Variants in HOXD3 observed in about 807,000 individuals in gnomAD.
HOXD3 encodes homeobox D3, also known as homeobox protein Hox-D3.
HOXD3 carries 13 observed loss-of-function variants against 32.8 expected under a neutral mutation model. The ratio of observed to expected loss-of-function variants is 0.40; its 90% confidence interval spans 0.26 to 0.63. HOXD3 has a LOEUF of 0.63. Among genes scored for constraint, HOXD3 ranks in the 20% least tolerant of loss-of-function variants. The pLI is 0.44. For synonymous variants in HOXD3, 241 were observed against 246.8 expected (o/e 0.98, Z 0.22); for missense variants, 504 against 577.1 (o/e 0.87, Z 1.30).
At chr2:176,159,600 G>C (rs1488077228) in intron 1 of HOXD3, among the ~76,000 whole-genome samples, 3 of 152,222 alleles carry the variant, frequency 2.0e-5, no homozygotes, top group Admixed American at 6.5e-5. Flanking sequence ...GGTCTTGGGC[G>C]CTCATTACAG....
At position 176,172,079 on chromosome 2, in the gene HOXD3, C is replaced by G; in HGVS notation, c.1104C>G (p.Pro368=). Residue 368 remains proline, a synonymous_variant, in exon 4 of 4, where the codon CCC becomes CCG. Transcript: ENST00000683222. ...GCAACTTCGTCGAGTCCATGGCGCC[C>G]GCGTCCGGGCCTGTCTTCAACCTGG... The part of the protein sequence containing the change: ...VGGNFVESMA[P]ASGPVFNLGH... 1 of 1,611,044 alleles carries G rather than the reference C, an allele frequency of 6.2e-7. No individual in the cohort carries two copies.
rs1285951715 is a variant in HOXD3, at chr2:176,172,086, G to A, written c.1111G>A (p.Gly371Arg). The A allele has an allele frequency of 6.2e-7, 1 of 1,611,722 alleles. No homozygotes were observed. The highest frequency in any genetic ancestry group is 1.3e-5 in the African/African-American group (1 of 75,054). The change falls in exon 4 of 4, where the codon GGG (glycine) becomes AGG (arginine). Residue 371 changes from glycine (G) to arginine (R), a missense_variant. This residue lies in a region of HOXD3 where 226 missense variants were observed against 246.9 expected (regional missense o/e 0.92). Transcript: ENST00000683222. ...CGTCGAGTCCATGGCGCCCGCGTCC[G>A]GGCCTGTCTTCAACCTGGGCCACCT... ...NFVESMAPAS[G>R]PVFNLGHLSH...
At chr2:176,157,698 GAGAGAC>G (rs755397327) in intron 1 of HOXD3, among the ~76,000 whole-genome samples, 19 of 152,058 alleles carry the variant, frequency 1.2e-4, no homozygotes, top group East Asian at 3.9e-4. Flanking sequence ...GTGAGAGAGG[GAGAGAC>G]AGAGACAGAG....
At chr2:176,158,615 T>G (rs181008855) in intron 1 of HOXD3, among the ~76,000 whole-genome samples, 5 of 152,320 alleles carry the variant, frequency 3.3e-5, no homozygotes, top group African/African-American at 1.2e-4. Flanking sequence ...TTTTCATTTA[T>G]TTTTTGGTGT....
At chr2:176,166,533 CA>C (rs1690975749) in intron 2 of HOXD3, among the ~76,000 whole-genome samples, 1 of 152,180 alleles carries the variant, frequency 6.6e-6, no homozygotes, top group Non-Finnish European at 1.5e-5. Context: ...CTTTCTTCAG[CA>C]GGGGGCAAAC....
Position 176,172,321 on chromosome 2 carries a change from T to C in HOXD3, c.*47T>C, listed in dbSNP as rs762168869. On this transcript the variant is annotated 3_prime_UTR_variant, in exon 4 of 4. Coordinates refer to ENST00000683222, the MANE Select transcript of HOXD3 (RefSeq NM_006898.5). ...CGCGGCAAAATTACCTCTCTTGCTG[T>C]AGTGGTGGGGTAGAGGGTGGGGCCC... 1 of 1,534,134 alleles carries C rather than the reference T, an allele frequency of 6.5e-7. No individual in the cohort carries two copies. Among genetic ancestry groups the C allele is most frequent in the South Asian group, 1.2e-5 (1 of 81,588 alleles).
chr2:176,157,723 A>G (rs1165920756), intron 1 of HOXD3, among the ~76,000 whole-genome samples: 3 of 152,038 alleles, frequency 2.0e-5, no homozygotes, highest in Non-Finnish European at 4.4e-5. Context: ...AGACAGAGAT[A>G]GGGAGAGGGT....
chr2:176,160,163 C>T (rs1690753579), intron 1 of HOXD3, among the ~76,000 whole-genome samples: 1 of 152,146 alleles, frequency 6.6e-6, no homozygotes, highest in South Asian at 2.1e-4. Flanking sequence ...AGCTGGGCGT[C>T]GGCCTCCGCG....
In HOXD3 at chr2:176,172,339, T is replaced by A. The variant is rs369109077; in HGVS notation, c.*65T>A. 2.2e-4 allele frequency: 326 copies of A among 1,456,814 alleles called. No homozygotes were observed. In the African/African-American group the frequency reaches 4.0e-3, roughly 18 times the overall value. The allele number at this position is 1,456,814 out of a possible 1,614,324, so 90.2% of individuals were successfully genotyped here. A position where few individuals can be genotyped will look rare whatever the true frequency, so the allele number is the denominator to read the frequency against. ...CTTGCTGTAGTGGTGGGGTAGAGGG[T>A]GGGGCCCGCGGGGCAGTTCGGGAAC... is the stretch of plus-strand genomic sequence containing the variant. On this transcript the variant is annotated 3_prime_UTR_variant, in exon 4 of 4. Transcript: ENST00000683222.
chr2:176,166,422 T>C (rs1469885071), intron 2 of HOXD3, among the ~76,000 whole-genome samples: 1 of 152,210 alleles, frequency 6.6e-6, no homozygotes, highest in African/African-American at 2.4e-5. Context: ...CAGCAAGTTC[T>C]GGTAGTCTGA....
Position 176,172,336 on chromosome 2 carries a change from G to A in HOXD3, c.*62G>A. On this transcript the variant is annotated 3_prime_UTR_variant, in exon 4 of 4. Coordinates refer to ENST00000683222, the MANE Select transcript of HOXD3 (RefSeq NM_006898.5). ...TCTCTTGCTGTAGTGGTGGGGTAGA[G>A]GGTGGGGCCCGCGGGGCAGTTCGGG... is the stretch of plus-strand genomic sequence containing the variant. 2 of 1,467,584 alleles carry A rather than the reference G, an allele frequency of 1.4e-6. No individual in the cohort carries two copies. Among genetic ancestry groups the A allele is most frequent in the Non-Finnish European group, 1.8e-6 (2 of 1,096,574 alleles). 90.9% of individuals were successfully genotyped at this position (1,467,584 alleles called of 1,614,324 possible). A position where few individuals can be genotyped will look rare whatever the true frequency, so the allele number is the denominator to read the frequency against.
rs1370013584 is a variant in HOXD3 at position 176,169,362 on chromosome 2, G to T, written c.248G>T (p.Gly83Val). 1 of 1,614,002 alleles carries T rather than the reference G, an allele frequency of 6.2e-7. No homozygotes were observed. The change falls in exon 3 of 4, where the codon GGA becomes GTA. Residue 83 changes from glycine (G) to valine (V), a missense_variant. Physicochemically the swap from Gly to Val is moderately radical, Grantham distance 109. Coordinates refer to ENST00000683222, the MANE Select transcript of HOXD3 (RefSeq NM_006898.5). ...CCTCTGAGAGCCCCAGCCCACAAAG[G>T]AGCTGAACTCAATGGCAGCTGCATG... ...SAPLRAPAHKGAELNGSCMRP... is the reference protein window; with the variant it reads ...SAPLRAPAHKVAELNGSCMRP...
chr2:176,168,963 A>T, intron 2 of HOXD3, 68 bp from the exon 3 acceptor site: 2 of 1,195,564 alleles, frequency 1.7e-6, no homozygotes, highest in Non-Finnish European at 2.3e-6. Context: ...AGCATGGGCT[A>T]GTCCTTCTAT....
chr2:176,154,077 C>T (rs1223506065), upstream of HOXD3, among the ~76,000 whole-genome samples: 1 of 151,626 alleles, frequency 6.6e-6, no homozygotes, highest in African/African-American at 2.4e-5. Flanking sequence ...AAAAAAAAAC[C>T]CTAATTGAAT....
At chr2:176,165,247 G>A (rs1690926498) in intron 2 of HOXD3, 2 of 152,224 alleles carry the variant, frequency 1.3e-5, no homozygotes, top group Admixed American at 1.3e-4. Flanking sequence ...CACAATGACA[G>A]GTGCATTGAT....
At chr2:176,154,097 C>T (rs1327496513), upstream of HOXD3, among the ~76,000 whole-genome samples, 1 of 151,644 alleles carries the variant, frequency 6.6e-6, no homozygotes, top group African/African-American at 2.4e-5. Context: ...TCTAGAAGTC[C>T]ACAAAAGTTA....
At chr2:176,153,198 T>C (rs1690581595), upstream of HOXD3, 1 of 520,084 alleles carries the variant, frequency 1.9e-6, no homozygotes, top group South Asian at 2.6e-5. Flanking sequence ...ACATAAAATC[T>C]TGGCGAGTCA....
upstream of HOXD3, among the ~76,000 whole-genome samples, chr2:176,157,140 G>GC (rs1242462830): frequency 2.6e-5 from 4 of 152,208 alleles, no homozygotes; most frequent in Non-Finnish European, 4.4e-5. Context: ...AGCCCTCCCT[G>GC]CCCCCCGCGC....
In HOXD3 at chr2:176,169,765, A is replaced by G. The variant is rs967856234; in HGVS notation, c.541+110A>G. ...TTGGAGGTCATATGTCTAAACTCCTACTCACGTCAAAATGTTCTTTTTTTT... is the reference window on the plus strand; with the variant it reads ...TTGGAGGTCATATGTCTAAACTCCTGCTCACGTCAAAATGTTCTTTTTTTT... On this transcript the variant is annotated intron_variant, in intron 3 of 3. Coordinates refer to ENST00000683222, the MANE Select transcript of HOXD3 (RefSeq NM_006898.5). The G allele has an allele frequency of 2.3e-6, 3 of 1,313,928 alleles. No individual in the cohort carries two copies. The African/African-American group carries it at 4.4e-5, about 19-fold the overall frequency. 81.4% of individuals were successfully genotyped at this position (1,313,928 alleles called of 1,614,324 possible). A position where few individuals can be genotyped will look rare whatever the true frequency, so the allele number is the denominator to read the frequency against.
Sources: gnomAD v4.1 joint callset for allele counts (sites outside exome capture counted in the v4.1 genomes callset) on GRCh38, gnomAD v4.1.1 for gene constraint, gnomAD v4.1.1 regional missense constraint, MANE v1.5 for transcripts, NCBI Gene and HGNC (gene_info 2026-07-23, HGNC 2026-07-21) for gene names.